Variants in PYGO1 observed in about 807,000 individuals in gnomAD.
PYGO1 encodes the protein pygopus family PHD finger 1, also known as pygopus homolog 1.
PYGO1 carries 6 observed loss-of-function variants against 29.5 expected under a neutral mutation model. That is an observed-to-expected ratio of 0.20 (90% CI 0.11 to 0.40). The LOEUF is 0.40. Ranked by LOEUF, PYGO1 falls within the 10% of genes least tolerant of loss-of-function variation. PYGO1 has a pLI of 1.00. For synonymous variants in PYGO1, 186 were observed against 180.5 expected (o/e 1.03, Z -0.24); for missense variants, 515 against 514.9 (o/e 1.00, Z 0.00).
Position 55,540,888 on chromosome 15 carries a change from T to C in PYGO1, c.*5135A>G, listed in dbSNP as rs997674064. 1 of 152,126 alleles carries C rather than the reference T, an allele frequency of 6.6e-6. No homozygotes were observed. The highest frequency in any genetic ancestry group is 2.4e-5 in the African/African-American group (1 of 41,440). The allele number at this position is 152,126 out of a possible 1,614,324, so 9.4% of individuals were successfully genotyped here. On this transcript the variant is annotated 3_prime_UTR_variant, in exon 3 of 3. Coordinates refer to ENST00000563719, the MANE Select transcript of PYGO1 (RefSeq NM_001367806.1). ...AAAAGAGGTATATGTAAACAGTACA[T>C]AAGGAAGAAATAGTTTTAATATGAA...
intron 2 of PYGO1, among the ~76,000 whole-genome samples, 191 bp downstream of exon 2, chr15:55,548,719 A>G (rs1180588104): frequency 4.0e-5 from 1 of 24,960 alleles, no homozygotes; most frequent in African/African-American, 1.7e-4. Flanking sequence ...AAAAAAAAAA[A>G]AAAAAAAAAA....
chr15:55,547,648 GACTGAAAAAATAA>G (rs150626657), intron 2 of PYGO1, among the ~76,000 whole-genome samples: 16,370 of 152,164 alleles, frequency 0.11, 1,155 homozygotes, highest in Non-Finnish European at 0.16. Flanking sequence ...CTGGGCCTCA[GACTGAAAAAATAA>G]ACTGCCAGTT....
chr15:55,539,655 T>A lies in PYGO1; in HGVS notation c.*6368A>T, dbSNP rs887302621. Reference sequence around the variant, plus strand: ...ACATAAAATATAGAACTATGAAAATTTTGGGCATTCAAGTCAAATATAATA... The same window carrying A: ...ACATAAAATATAGAACTATGAAAATATTGGGCATTCAAGTCAAATATAATA... On this transcript the variant is annotated 3_prime_UTR_variant, in exon 3 of 3. Coordinates refer to ENST00000563719, the MANE Select transcript of PYGO1 (RefSeq NM_001367806.1). 3.3e-5 allele frequency: 5 copies of A among 152,010 alleles called. No homozygotes were observed. In the East Asian group the frequency reaches 9.6e-4, roughly 29 times the overall value. 9.4% of individuals were successfully genotyped at this position (152,010 alleles called of 1,614,324 possible).
At chr15:55,553,165 T>C (rs1288018562) in intron 1 of PYGO1, among the ~76,000 whole-genome samples, 1 of 152,020 alleles carries the variant, frequency 6.6e-6, no homozygotes, top group South Asian at 2.1e-4. Flanking sequence ...CCCTGATCCA[T>C]CACTTCTCAC....
Position 55,588,114 on chromosome 15 carries a change from G to C in PYGO1, c.-231C>G, listed in dbSNP as rs1047421859. The C allele has an allele frequency of 8.1e-5, 75 of 930,686 alleles. No homozygotes were observed. In the African/African-American group the frequency reaches 1.3e-3, roughly 16 times the overall value. 57.7% of individuals were successfully genotyped at this position (930,686 alleles called of 1,614,324 possible). ...GGCGTGCGGGCACCGGCGGGGCTCA[G>C]CGGCGGTGGCCGGGAGCGCGGCCTG... On this transcript the variant is annotated 5_prime_UTR_variant, in exon 1 of 3. Transcript: ENST00000563719.
chr15:55,554,657 G>A (rs1483344752), intron 1 of PYGO1, among the ~76,000 whole-genome samples: 2 of 151,938 alleles, frequency 1.3e-5, no homozygotes, highest in Non-Finnish European at 2.9e-5. Context: ...AACCAGAAGA[G>A]CCAGTTTAAA....
rs867111862 is a variant in PYGO1, at chr15:55,546,428, C to T, written c.855G>A (p.Glu285=). The stretch of plus-strand genomic sequence containing the variant: ...CTTCAGTGCTACTTGAACGGCTGTT[C>T]TCCTGATTTACTGCATTGTTTCGAT... ...NVNRNNAVNQ[E]NSRSSSTEAT... is the part of the protein sequence containing the mutation. The change falls in exon 3 of 3, where the codon GAG becomes GAA. Residue 285 remains glutamate (E), a synonymous_variant. Coordinates refer to ENST00000563719, the MANE Select transcript of PYGO1 (RefSeq NM_001367806.1). 6.2e-7 allele frequency: 1 copy of T among 1,614,110 alleles called. No individual in the cohort carries two copies. Among genetic ancestry groups the T allele is most frequent in the Non-Finnish European group, 8.5e-7 (1 of 1,179,998 alleles).
intron 1 of PYGO1, among the ~76,000 whole-genome samples, chr15:55,553,573 A>G (rs1211552384): frequency 6.6e-6 from 1 of 151,708 alleles, no homozygotes; most frequent in East Asian, 1.9e-4. Context: ...CACCACCACT[A>G]ACTTTTTTTG....
At chr15:55,565,705 C>T (rs552416785) in intron 1 of PYGO1, among the ~76,000 whole-genome samples, 1 of 152,172 alleles carries the variant, frequency 6.6e-6, no homozygotes, top group South Asian at 2.1e-4. Flanking sequence ...CAGAGTGAGA[C>T]TCCGTCTCCC....
chr15:55,584,327 TC>T (rs2059037877), intron 1 of PYGO1, among the ~76,000 whole-genome samples: 1 of 152,054 alleles, frequency 6.6e-6, no homozygotes, highest in Non-Finnish European at 1.5e-5. Flanking sequence ...TCCAGGCTGT[TC>T]TTAAACTCCT....
intron 1 of PYGO1, among the ~76,000 whole-genome samples, chr15:55,584,576 T>A (rs2059038928): frequency 6.6e-6 from 1 of 152,188 alleles, no homozygotes; most frequent in Non-Finnish European, 1.5e-5. Context: ...GCAGTTGACA[T>A]TCTAAGGGAA....
intron 1 of PYGO1, among the ~76,000 whole-genome samples, chr15:55,578,433 A>T (rs1454180635): frequency 1.3e-5 from 2 of 152,148 alleles, no homozygotes; most frequent in Non-Finnish European, 2.9e-5. Flanking sequence ...AGAAACTGCC[A>T]AACTGTTTTC....
Position 55,553,623 on chromosome 15 carries a change from C to T in PYGO1, c.50-4628G>A, listed in dbSNP as rs628055. The stretch of plus-strand genomic sequence containing the variant: ...ATGGGGTTTCGCCATGTTGGCCAGG[C>T]TGGTCTCAAACTCCTGACCTCAAGT... On this transcript the variant is annotated intron_variant, in intron 1 of 2. Coordinates refer to ENST00000563719, the MANE Select transcript of PYGO1 (RefSeq NM_001367806.1). Among the ~76,000 whole-genome samples the T allele has an allele frequency of 8.1e-4, 123 of 152,236 alleles. 1 individual carries two copies. The highest frequency in any genetic ancestry group is 9.6e-4 in the Non-Finnish European group (65 of 68,006).
chr15:55,587,926 C>G lies in PYGO1; in HGVS notation c.-43G>C. 2.7e-6 allele frequency: 4 copies of G among 1,462,922 alleles called. No individual in the cohort carries two copies. The highest frequency in any genetic ancestry group is 3.6e-6 in the Non-Finnish European group (4 of 1,105,606). 90.6% of individuals were successfully genotyped at this position (1,462,922 alleles called of 1,614,324 possible). A position where few individuals can be genotyped will look rare whatever the true frequency, so the allele number is the denominator to read the frequency against. ...GACTCCCCCCCAGGCCGCGGGAATT[C>G]GGTCTCTTTGATGCTGCGGCGGCGG... On this transcript the variant is annotated 5_prime_UTR_variant, in exon 1 of 3. Transcript: ENST00000563719.
At chr15:55,588,874 C>T (rs763363093), upstream of PYGO1, 2 of 1,613,082 alleles carry the variant, frequency 1.2e-6, no homozygotes, top group South Asian at 2.2e-5. Flanking sequence ...GATTCCCCGA[C>T]TCCGTGTCCG....
At chr15:55,571,566 CAG>C (rs1197655809) in intron 1 of PYGO1, among the ~76,000 whole-genome samples, 1 of 152,148 alleles carries the variant, frequency 6.6e-6, no homozygotes, top group Non-Finnish European at 1.5e-5. Flanking sequence ...GTTTTACAAA[CAG>C]GGGTTTCCCT....
At chr15:55,567,026 C>T (rs983527967) in intron 1 of PYGO1, among the ~76,000 whole-genome samples, 2 of 151,898 alleles carry the variant, frequency 1.3e-5, no homozygotes, top group Non-Finnish European at 1.5e-5. Flanking sequence ...GCCACCCATG[C>T]CCAGCCATTT....
intron 1 of PYGO1, among the ~76,000 whole-genome samples, chr15:55,576,678 G>A (rs1385613504): frequency 1.3e-5 from 2 of 148,876 alleles, no homozygotes; most frequent in Non-Finnish European, 3.0e-5. Flanking sequence ...GGCTGAGACA[G>A]AAGAATCGCT....
At chr15:55,584,193 T>G (rs557805389) in intron 1 of PYGO1, among the ~76,000 whole-genome samples, 45 of 150,166 alleles carry the variant, frequency 3.0e-4, no homozygotes, top group Admixed American at 2.7e-3. Context: ...CTCAGCTCAC[T>G]GCAGCCTCAA....
Sources: allele counts gnomAD v4.1 joint callset (sites outside exome capture counted in the v4.1 genomes callset), GRCh38; gene constraint gnomAD v4.1.1; transcripts MANE v1.5; gene names NCBI Gene and HGNC (gene_info 2026-07-23, HGNC 2026-07-21).